The following RFPL1 variants were observed in gnomAD, a reference collection of about 807,000 sequenced individuals.
RFPL1 encodes ret finger protein-like 1.
In RFPL1, 6 loss-of-function variants were observed where a neutral mutation model predicts 9.6. That is an observed-to-expected ratio of 0.62 (90% CI 0.34 to 1.23). The LOEUF is 1.23. Among genes scored for constraint, RFPL1 ranks in the 50% most tolerant of loss-of-function variants. RFPL1 has a pLI of 0.03. For missense variants in RFPL1, 352 were observed against 398.4 expected (o/e 0.88, Z 0.99); for synonymous variants, 145 against 149.4 (o/e 0.97, Z 0.22).
the RFPL1 span, among the ~76,000 whole-genome samples, chr22:29,420,634 C>CTTTTTTTT: frequency 5.4e-4 from 29 of 53,452 alleles, 11 homozygotes; most frequent in African/African-American, 9.6e-4. Flanking sequence ...TGGTTTTTTG[C>CTTTTTTTT]TTTTTTTTTT....
chr22:29,391,511 T>C, the RFPL1 span, among the ~76,000 whole-genome samples: 27 of 152,156 alleles, frequency 1.8e-4, no homozygotes, highest in Non-Finnish European at 3.4e-4. Flanking sequence ...AGAAAAATTA[T>C]CCTACAAAAC....
chr22:29,388,329 C>G, the RFPL1 span: 2 of 152,440 alleles, frequency 1.3e-5, no homozygotes, highest in African/African-American at 4.8e-5. Context: ...GCCGCGTCCT[C>G]TTCATGACCT....
At chr22:29,394,962 T>C in the RFPL1 span, among the ~76,000 whole-genome samples, 6 of 152,164 alleles carry the variant, frequency 3.9e-5, no homozygotes, top group Admixed American at 3.3e-4. Flanking sequence ...GGTTGAGAGT[T>C]CGTGCGGTCT....
chr22:29,415,423 G>T, the RFPL1 span, among the ~76,000 whole-genome samples: 4 of 152,342 alleles, frequency 2.6e-5, no homozygotes, highest in African/African-American at 9.6e-5. Context: ...GATCCTCTGC[G>T]GGGGCCTGCC....
upstream of RFPL1, chr22:29,438,033 A>C (rs201606516): frequency 4.0e-6 from 1 of 248,780 alleles, no homozygotes; most frequent in East Asian, 1.4e-4. Flanking sequence ...ATCTCTGCTC[A>C]CTGCTAATTT....
the RFPL1 span, among the ~76,000 whole-genome samples, chr22:29,427,779 A>G: frequency 0.45 from 68,757 of 151,970 alleles, 17,029 homozygotes; most frequent in African/African-American, 0.65. Context: ...GATATTTGCC[A>G]TGTTGGCCTC....
the RFPL1 span, among the ~76,000 whole-genome samples, chr22:29,426,583 C>G: frequency 6.6e-6 from 1 of 152,092 alleles, no homozygotes; most frequent in African/African-American, 2.4e-5. Context: ...GAAACACTCT[C>G]TCTCCTAAAA....
the RFPL1 span, among the ~76,000 whole-genome samples, chr22:29,415,451 G>A: frequency 6.6e-6 from 1 of 152,190 alleles, no homozygotes; most frequent in Non-Finnish European, 1.5e-5. Context: ...GCTCTGACGA[G>A]GCATTGCACC....
the RFPL1 span, among the ~76,000 whole-genome samples, chr22:29,432,463 C>A: frequency 6.6e-6 from 1 of 152,312 alleles, no homozygotes; most frequent in Admixed American, 6.5e-5. Flanking sequence ...AATTCCCCCT[C>A]CCCTTTCTAA....
chr22:29,419,117 G>C, the RFPL1 span: 1 of 1,494,064 alleles, frequency 6.7e-7, no homozygotes, highest in Non-Finnish European at 9.3e-7. Flanking sequence ...TCCCCTGTCA[G>C]CCAGCTTCCA....
chr22:29,420,149 T>C, the RFPL1 span, among the ~76,000 whole-genome samples: 5 of 152,360 alleles, frequency 3.3e-5, no homozygotes, highest in East Asian at 9.6e-4. Flanking sequence ...ACACAAGTGG[T>C]TGCTCAGCTC....
chr22:29,422,151 T>C, the RFPL1 span, among the ~76,000 whole-genome samples: 1 of 152,142 alleles, frequency 6.6e-6, no homozygotes, highest in Non-Finnish European at 1.5e-5. Flanking sequence ...AACCAAAATA[T>C]CCAACGATAT....
chr22:29,422,406 C>T, the RFPL1 span, among the ~76,000 whole-genome samples: 1 of 152,258 alleles, frequency 6.6e-6, no homozygotes, highest in East Asian at 1.9e-4. Flanking sequence ...TGGAGAAACG[C>T]CATCTCTACC....
chr22:29,427,191 C>A, the RFPL1 span, among the ~76,000 whole-genome samples: 2 of 152,312 alleles, frequency 1.3e-5, no homozygotes, highest in African/African-American at 4.8e-5. Flanking sequence ...TGAGGGGGGG[C>A]CTGACAGTGC....
the RFPL1 span, among the ~76,000 whole-genome samples, chr22:29,401,384 G>A: frequency 6.6e-6 from 1 of 151,448 alleles, no homozygotes; most frequent in South Asian, 2.1e-4. Context: ...GCCTACAGAG[G>A]TTTATATCCA....
chr22:29,435,313 T>G (rs935921829), upstream of RFPL1, among the ~76,000 whole-genome samples: 1 of 152,174 alleles, frequency 6.6e-6, no homozygotes, highest in African/African-American at 2.4e-5. Context: ...TGACATCACA[T>G]CTCTTCTGCA....
chr22:29,437,602 G>T, upstream of RFPL1: 3 of 1,580,928 alleles, frequency 1.9e-6, no homozygotes, highest in Non-Finnish European at 1.7e-6. Context: ...AGGTTAGAGG[G>T]TGTGGAAGGG....
the RFPL1 span, among the ~76,000 whole-genome samples, chr22:29,426,717 C>T: frequency 2.6e-5 from 4 of 151,982 alleles, no homozygotes; most frequent in Admixed American, 1.3e-4. Flanking sequence ...CATTGCACTC[C>T]GGCCAGGGTG....
At chr22:29,422,738 C>T in the RFPL1 span, among the ~76,000 whole-genome samples, 1 of 151,834 alleles carries the variant, frequency 6.6e-6, no homozygotes, top group Admixed American at 6.6e-5. Flanking sequence ...AGTGAAACTC[C>T]ATCTCAAAAA....
Sources: allele counts gnomAD v4.1 joint callset (sites outside exome capture counted in the v4.1 genomes callset), GRCh38; gene constraint gnomAD v4.1.1; transcripts MANE v1.5; gene names NCBI Gene and HGNC (gene_info 2026-07-23, HGNC 2026-07-21).